EPG5: variants seen among roughly 807,000 people sequenced by gnomAD.
The protein encoded by EPG5 is ectopic P granules protein 5 homolog.
Under a neutral mutation model 302.7 loss-of-function variants are expected in EPG5, and 159 were observed. The ratio of observed to expected loss-of-function variants is 0.53; its 90% CI spans 0.46 to 0.60. EPG5 has a LOEUF of 0.60. Ranked by LOEUF, EPG5 falls within the 20% of genes least tolerant of loss-of-function variation. The probability of loss-of-function intolerance (pLI) is 0.00; values close to 1 mark genes in which losing one functional copy is unlikely to be tolerated. For missense variants in EPG5, 2,896 were observed against 3,092.4 expected, an observed-to-expected ratio of 0.94 and a Z score of 1.51; for synonymous variants, 1,158 against 1,136.8, an observed-to-expected ratio of 1.02 and a Z score of -0.37.
the EPG5 span, among the ~76,000 whole-genome samples, chr18:45,837,251 T>C: frequency 2.6e-5 from 4 of 151,970 alleles, no homozygotes; most frequent in Non-Finnish European, 4.4e-5. Context: ...AAGAGGGGAA[T>C]AGTCCCAGGG....
At chr18:45,929,644 T>A (rs1256054722) in intron 12 of EPG5, among the ~76,000 whole-genome samples, 1 of 152,236 alleles carries the variant, frequency 6.6e-6, no homozygotes, top group Non-Finnish European at 1.5e-5. Flanking sequence ...TGACTCCTGG[T>A]CAAAACACTG....
the EPG5 span, among the ~76,000 whole-genome samples, chr18:45,808,246 C>T: frequency 6.6e-6 from 1 of 152,060 alleles, no homozygotes; most frequent in African/African-American, 2.4e-5. Flanking sequence ...AATGACCAAA[C>T]CTAGAATAAT....
At chr18:45,890,214 A>G in intron 27 of EPG5, 1 of 258,114 alleles carries the variant, frequency 3.9e-6, no homozygotes, top group South Asian at 6.9e-5. Flanking sequence ...GAAGCACAGG[A>G]AGCCCCTCCA....
intron 11 of EPG5, among the ~76,000 whole-genome samples, chr18:45,933,866 GTTTT>G (rs200791827): frequency 6.6e-6 from 1 of 150,398 alleles, no homozygotes; most frequent in Admixed American, 6.6e-5. Flanking sequence ...TATCTTTGGT[GTTTT>G]TTTTTAGTCT....
chr18:45,855,661 G>A lies in EPG5; in HGVS notation c.7469C>T (p.Ala2490Val), dbSNP rs915990255. 9.9e-6 allele frequency: 16 copies of A among 1,614,190 alleles called. No individual in the cohort carries two copies. The highest frequency in any genetic ancestry group is 1.4e-5 in the Non-Finnish European group (16 of 1,180,010). ...AGGAACCTGAACTGAAAGGAAGGCAGCCATGCTTCGGGCAACCACTCGGAA... is the reference window on the plus strand; with the variant it reads ...AGGAACCTGAACTGAAAGGAAGGCAACCATGCTTCGGGCAACCACTCGGAA... ...NRFRVVARSM[A>V]AFLSVQVPME... Residue 2490 changes from alanine (A) to valine (V), a missense_variant, in exon 43 of 44, where the codon GCT (alanine) becomes GTT (valine). By Grantham distance (64) the Ala-to-Val change is moderately conservative (BLOSUM62 0). Around this residue, in one of 5 missense-constraint regions of EPG5, gnomAD observed 620 missense variants for 704.2 expected, o/e 0.88. Coordinates refer to ENST00000282041, the MANE Select transcript of EPG5 (RefSeq NM_020964.3).
intron 35 of EPG5, among the ~76,000 whole-genome samples, chr18:45,872,965 C>G (rs2048902234): frequency 6.6e-6 from 1 of 152,178 alleles, no homozygotes. Flanking sequence ...GACACAAATT[C>G]TGTGACGTCA....
In EPG5 at chr18:45,925,921, A is replaced by G. The variant is rs780982418; in HGVS notation, c.2554-19T>C. Reference sequence around the variant, plus strand: ...GAGAAACCTTATTAAAAAGAAAACAATAATCATTAAATAAAGACTTAGAAA... The same window carrying G: ...GAGAAACCTTATTAAAAAGAAAACAGTAATCATTAAATAAAGACTTAGAAA... On this transcript the variant is annotated intron_variant, in intron 13 of 43. Transcript: ENST00000282041. The G allele has an allele frequency of 1.5e-6, 2 of 1,313,446 alleles. No homozygotes were observed. Among genetic ancestry groups the G allele is most frequent in the South Asian group, 2.4e-5 (1 of 41,470 alleles). The allele number at this position is 1,313,446 out of a possible 1,614,324, so 81.4% of individuals were successfully genotyped here. A position where few individuals can be genotyped will look rare whatever the true frequency, so the allele number is the denominator to read the frequency against.
In EPG5 at chr18:45,954,535, T is replaced by G; in HGVS notation, c.867A>C (p.Glu289Asp). 6.2e-7 allele frequency: 1 copy of G among 1,614,264 alleles called. No individual in the cohort carries two copies. The change falls in exon 2 of 44, where the codon GAA becomes GAC. Residue 289 changes from glutamate (E) to aspartate (D), a missense_variant. Physicochemically the swap from Glu to Asp is conservative, Grantham distance 45 (BLOSUM62 2). Coordinates refer to ENST00000282041, the MANE Select transcript of EPG5 (RefSeq NM_020964.3). Reference sequence around the variant, plus strand: ...AGTAGTTCAAAAGCAACTCATAAAATTCATGCCTGTCTTGATGAGCCATGC... The same window carrying G: ...AGTAGTTCAAAAGCAACTCATAAAAGTCATGCCTGTCTTGATGAGCCATGC... ...FDSMAHQDRHEFYELLLNYSR... is the reference protein window; with the variant it reads ...FDSMAHQDRHDFYELLLNYSR...
chr18:45,935,227 T>C (rs2050493213), intron 10 of EPG5, among the ~76,000 whole-genome samples: 1 of 152,072 alleles, frequency 6.6e-6, no homozygotes, highest in South Asian at 2.1e-4. Flanking sequence ...ACTCAAACCA[T>C]CCTCACAAAA....
At chr18:45,838,676 G>T in the EPG5 span, 1 of 1,511,272 alleles carries the variant, frequency 6.6e-7, no homozygotes, top group East Asian at 2.4e-5. Context: ...GGGCTAAGGG[G>T]AGGGGTGCCC....
At chr18:45,842,810 A>C (rs1306774394), downstream of EPG5, 1 of 153,056 alleles carries the variant, frequency 6.5e-6, no homozygotes, top group African/African-American at 2.4e-5. Flanking sequence ...TTGGACGTGC[A>C]GTCAGTTCTT....
the EPG5 span, chr18:45,838,810 C>T: frequency 1.9e-6 from 3 of 1,559,404 alleles, no homozygotes; most frequent in Non-Finnish European, 2.6e-6. Context: ...GCCGCCCGCC[C>T]TCGCCTGGTC....
Position 45,909,329 on chromosome 18 carries a change from C to T in EPG5, c.4205+1192G>A, listed in dbSNP as rs116659777. ...AATATCAAAGACTCTCTTGGCTTAT[C>T]TAAAATATTCACAGAGAAAGCCGTC... On this transcript the variant is annotated intron_variant, in intron 23 of 43. Transcript: ENST00000282041. 5.2e-3 allele frequency among the ~76,000 whole-genome samples: 792 copies of T among 152,274 alleles called. 6 individuals are homozygous for T. Among genetic ancestry groups the T allele is most frequent in the African/African-American group, 0.018 (735 of 41,546 alleles).
intron 35 of EPG5, among the ~76,000 whole-genome samples, chr18:45,875,245 T>C (rs2048945534): frequency 6.6e-6 from 1 of 152,084 alleles, no homozygotes; most frequent in African/African-American, 2.4e-5. Context: ...GGGCTCACAA[T>C]ACAAAATTTA....
At chr18:45,883,141 A>G (rs1391312387) in intron 30 of EPG5, among the ~76,000 whole-genome samples, 3 of 151,948 alleles carry the variant, frequency 2.0e-5, no homozygotes, top group African/African-American at 7.3e-5. Context: ...TAAAAATTTT[A>G]CTGATGATTC....
the EPG5 span, chr18:45,837,691 G>A: frequency 6.8e-7 from 1 of 1,476,766 alleles, no homozygotes; most frequent in Admixed American, 2.4e-5. Context: ...GCTGCGCTGC[G>A]GCGCGGGGCA....
chr18:45,928,139 G>A (rs374363451), intron 13 of EPG5, among the ~76,000 whole-genome samples: 14 of 152,082 alleles, frequency 9.2e-5, no homozygotes, highest in African/African-American at 3.4e-4. Context: ...GAGGTTGTAG[G>A]GAGGCAGAGG....
At chr18:45,830,752 A>ATG in the EPG5 span, among the ~76,000 whole-genome samples, 1 of 118,140 alleles carries the variant, frequency 8.5e-6, no homozygotes, top group Non-Finnish European at 1.7e-5. Flanking sequence ...TGCCAGGCTA[A>ATG]TTTTTTTTTT....
chr18:45,959,658 C>CTAAA (rs34272674), intron 1 of EPG5, among the ~76,000 whole-genome samples: 53,554 of 140,596 alleles, frequency 0.38, 12,073 homozygotes, highest in Non-Finnish European at 0.51. Context: ...GAGACTGTCT[C>CTAAA]TAAATAAATA....
Sources: allele counts gnomAD v4.1 joint callset (sites outside exome capture counted in the v4.1 genomes callset), GRCh38; gene constraint gnomAD v4.1.1; regional missense constraint gnomAD v4.1.1; transcripts MANE v1.5; gene names NCBI Gene and HGNC (gene_info 2026-07-23, HGNC 2026-07-21).